NEGR1: variants seen among roughly 807,000 people sequenced by gnomAD.
NEGR1 encodes IgLON family member 4.
In NEGR1, 10 loss-of-function variants were observed where a neutral mutation model predicts 40.9. That is an observed-to-expected ratio of 0.24 (90% CI 0.15 to 0.42). NEGR1 has a LOEUF of 0.42. Among genes scored for constraint, NEGR1 ranks in the 10% least tolerant of loss-of-function variants. The pLI, the probability that NEGR1 is intolerant of heterozygous loss-of-function variation, is 1.00. For synonymous variants in NEGR1, 185 were observed against 166.8 expected, an observed-to-expected ratio of 1.11 and a Z score of -0.84; for missense variants, 352 against 438.9, an observed-to-expected ratio of 0.80 and a Z score of 1.77.
At chr1:72,062,892 A>G (rs1339835712) in intron 1 of NEGR1, among the ~76,000 whole-genome samples, 1 of 152,002 alleles carries the variant, frequency 6.6e-6, no homozygotes, top group Non-Finnish European at 1.5e-5. Flanking sequence ...CACTTTCAGA[A>G]GGAGTTTTTC....
intron 2 of NEGR1, chr1:71,794,538 T>G (rs1570355836): frequency 6.6e-6 from 1 of 152,000 alleles, no homozygotes; most frequent in South Asian, 2.1e-4. Context: ...TTGTCTACCC[T>G]GTGGGGAAAA....
intron 6 of NEGR1, among the ~76,000 whole-genome samples, chr1:71,553,019 T>C (rs1464760654): frequency 6.6e-6 from 1 of 151,450 alleles, no homozygotes; most frequent in Non-Finnish European, 1.5e-5. Flanking sequence ...GTCTATTTCG[T>C]TCCACAGAAA....
chr1:72,186,783 C>T (rs1292404685), intron 1 of NEGR1, among the ~76,000 whole-genome samples: 1 of 151,586 alleles, frequency 6.6e-6, no homozygotes, highest in African/African-American at 2.4e-5. Context: ...TCATAGAGTA[C>T]TTTGAGAATT....
At chr1:72,220,627 TTCTATATAA>T (rs74261261) in intron 1 of NEGR1, among the ~76,000 whole-genome samples, 19,444 of 151,920 alleles carry the variant, frequency 0.13, 1,618 homozygotes, top group Non-Finnish European at 0.19. Flanking sequence ...CTAACTGAAT[TTCTATATAA>T]TTTCAAATTT....
chr1:72,202,878 TC>T (rs1653264888), intron 1 of NEGR1, among the ~76,000 whole-genome samples: 1 of 152,024 alleles, frequency 6.6e-6, no homozygotes, highest in African/African-American at 2.4e-5. Context: ...TCTGCTTGTG[TC>T]CTATAAATAG....
chr1:71,472,724 A>G (rs1331129791), intron 6 of NEGR1: 1 of 152,140 alleles, frequency 6.6e-6, no homozygotes, highest in African/African-American at 2.4e-5. Flanking sequence ...ATTCTGATAC[A>G]TGAGAAGAGA....
intron 5 of NEGR1, among the ~76,000 whole-genome samples, chr1:71,593,249 A>C (rs1225178463): frequency 6.6e-6 from 1 of 152,206 alleles, no homozygotes; most frequent in African/African-American, 2.4e-5. Context: ...TACATATTTT[A>C]GAAAATGAAA....
intron 1 of NEGR1, among the ~76,000 whole-genome samples, chr1:72,048,625 G>A (rs765035851): frequency 5.3e-5 from 8 of 151,468 alleles, no homozygotes; most frequent in Non-Finnish European, 1.0e-4. Context: ...ACATCTACTA[G>A]CAAATAGAAA....
rs180832395 is a variant in NEGR1 at position 71,523,043 on chromosome 1, G to T, written c.940+69774C>A. ...GATATGAAAGATGTCATGTTTTGTT[G>T]TTTGTTTAAATGAACAAAAGATGGT... is the stretch of plus-strand genomic sequence containing the variant. On this transcript the variant is annotated intron_variant, in intron 6 of 6. Transcript: ENST00000357731. 5.3e-5 allele frequency among the ~76,000 whole-genome samples: 8 copies of T among 152,022 alleles called. No individual in the cohort carries two copies. In the East Asian group the frequency reaches 1.6e-3, roughly 30 times the overall value.
chr1:72,225,370 T>C (rs987600536), intron 1 of NEGR1, among the ~76,000 whole-genome samples: 4 of 151,952 alleles, frequency 2.6e-5, no homozygotes, highest in Non-Finnish European at 5.9e-5. Flanking sequence ...TTAGTTATTG[T>C]CAAAAACTAA....
intron 1 of NEGR1, among the ~76,000 whole-genome samples, chr1:72,017,908 C>T (rs1326660762): frequency 6.6e-6 from 1 of 151,966 alleles, no homozygotes; most frequent in African/African-American, 2.4e-5. Context: ...ATTTAAAGAA[C>T]TTACATTTTC....
chr1:71,948,460 G>A (rs967105140), intron 1 of NEGR1, among the ~76,000 whole-genome samples: 1 of 148,974 alleles, frequency 6.7e-6, no homozygotes, highest in Non-Finnish European at 1.5e-5. Flanking sequence ...TTCTTCAAGG[G>A]ATATGTGTGC....
chr1:72,273,570 G>T (rs1049830395), intron 1 of NEGR1, among the ~76,000 whole-genome samples: 1 of 151,694 alleles, frequency 6.6e-6, no homozygotes. Flanking sequence ...GAATACCCTT[G>T]AAATCTTAAC....
At chr1:71,666,583 C>T (rs1652250774) in intron 4 of NEGR1, among the ~76,000 whole-genome samples, 1 of 152,100 alleles carries the variant, frequency 6.6e-6, no homozygotes, top group Admixed American at 6.5e-5. Context: ...CCATGTCCAT[C>T]GCTAAATATT....
intron 1 of NEGR1, among the ~76,000 whole-genome samples, chr1:72,261,486 T>G (rs997730805): frequency 5.9e-5 from 9 of 152,082 alleles, no homozygotes; most frequent in Admixed American, 2.6e-4. Context: ...ACACTATAGA[T>G]TTGCCAAAAT....
At chr1:72,136,835 T>A (rs1040325281) in intron 1 of NEGR1, among the ~76,000 whole-genome samples, 13 of 152,062 alleles carry the variant, frequency 8.5e-5, no homozygotes, top group Non-Finnish European at 1.8e-4. Context: ...AGAAAATTTT[T>A]GAAATCTATC....
intron 6 of NEGR1, among the ~76,000 whole-genome samples, chr1:71,499,641 A>T (rs1291838590): frequency 2.6e-5 from 4 of 151,736 alleles, no homozygotes; most frequent in Non-Finnish European, 4.4e-5. Context: ...AAATATTATA[A>T]ACTTATCCCA....
intron 1 of NEGR1, among the ~76,000 whole-genome samples, chr1:72,227,583 T>C (rs1256995300): frequency 6.6e-6 from 1 of 152,080 alleles, no homozygotes; most frequent in African/African-American, 2.4e-5. Flanking sequence ...AATGGGAATG[T>C]TTATATTTCA....
At chr1:71,973,495 C>G (rs1646276163) in intron 1 of NEGR1, among the ~76,000 whole-genome samples, 1 of 152,062 alleles carries the variant, frequency 6.6e-6, no homozygotes, top group African/African-American at 2.4e-5. Flanking sequence ...CTCTAGAAAT[C>G]TAATAGAGAT....
Sources: gnomAD v4.1 joint callset for allele counts (sites outside exome capture counted in the v4.1 genomes callset) on GRCh38, gnomAD v4.1.1 for gene constraint, MANE v1.5 for transcripts, NCBI Gene and HGNC (gene_info 2026-07-23, HGNC 2026-07-21) for gene names.